MYO9A: variants seen among roughly 807,000 people sequenced by gnomAD.
MYO9A encodes myosin IXA, also known as unconventional myosin-IXa.
In MYO9A, 103 loss-of-function variants were observed where a neutral mutation model predicts 293.3. The observed-to-expected ratio is 0.35, with a 90% CI of 0.30 to 0.41. The LOEUF (loss-of-function observed/expected upper bound fraction) is 0.41. MYO9A is among the 10% of genes least tolerant of loss of function. MYO9A has a pLI of 1.00. For missense variants in MYO9A, 2,685 were observed against 3,033.0 expected (o/e 0.89, Z 2.69); for synonymous variants, 1,001 against 1,035.7 (o/e 0.97, Z 0.64).
chr15:71,903,358 G>A (rs1009423303), intron 21 of MYO9A, among the ~76,000 whole-genome samples: 1 of 152,042 alleles, frequency 6.6e-6, no homozygotes, highest in African/African-American at 2.4e-5. Flanking sequence ...TATTTAACAA[G>A]ACCCTAAAAT....
intron 18 of MYO9A, among the ~76,000 whole-genome samples, chr15:71,927,830 AC>A (rs2058353085): frequency 6.6e-6 from 1 of 150,534 alleles, no homozygotes; most frequent in Admixed American, 6.6e-5. Flanking sequence ...TCATTCTTCT[AC>A]ATGTGGATAT....
At chr15:72,028,809 G>A (rs572148462) in intron 3 of MYO9A, among the ~76,000 whole-genome samples, 6 of 152,084 alleles carry the variant, frequency 3.9e-5, no homozygotes, top group African/African-American at 9.6e-5. Context: ...ATATATTTAC[G>A]CTATTGTCAC....
At chr15:71,853,354 C>T (rs1224061661) in intron 35 of MYO9A, among the ~76,000 whole-genome samples, 3 of 152,160 alleles carry the variant, frequency 2.0e-5, no homozygotes, top group Admixed American at 6.5e-5. Flanking sequence ...AAAGGAAACA[C>T]CTTCACCCGT....
In MYO9A at chr15:71,881,881, T is replaced by C. The variant is rs77626695; in HGVS notation, c.5399-1323A>G. ...GGATGACTGTCAACCAGACAAGATATAAGAAACTGATAACCTTAGCCATTC... is the reference window on the plus strand; with the variant it reads ...GGATGACTGTCAACCAGACAAGATACAAGAAACTGATAACCTTAGCCATTC... On this transcript the variant is annotated intron_variant, in intron 28 of 41. Transcript: ENST00000356056. 3.1e-4 allele frequency among the ~76,000 whole-genome samples: 47 copies of C among 152,320 alleles called. No individual in the cohort carries two copies. The East Asian group carries it at 8.1e-3, about 26-fold the overall frequency.
chr15:72,105,025 G>A (rs575124191), intron 1 of MYO9A, among the ~76,000 whole-genome samples: 14 of 152,178 alleles, frequency 9.2e-5, no homozygotes, highest in African/African-American at 3.4e-4. Context: ...AGGAAACAGT[G>A]AAATAAAGCA....
chr15:71,823,048 C>T lies in MYO9A; in HGVS notation c.*3532G>A, dbSNP rs2054333548. The T allele has an allele frequency of 1.3e-5, 2 of 152,240 alleles. No individual in the cohort carries two copies. The highest frequency in any genetic ancestry group is 4.8e-5 in the African/African-American group (2 of 41,534). 9.4% of individuals were successfully genotyped at this position (152,240 alleles called of 1,614,324 possible). On this transcript the variant is annotated 3_prime_UTR_variant, in exon 42 of 42. Transcript: ENST00000356056. The stretch of plus-strand genomic sequence containing the variant: ...CACAAGAGTATGGGTGGACATAACA[C>T]ATTTGTCCATACAGAATGATGCATG...
At chr15:72,114,435 T>C (rs2080893754) in intron 1 of MYO9A, 1 of 152,178 alleles carries the variant, frequency 6.6e-6, no homozygotes, top group South Asian at 2.1e-4. Context: ...AGGGAAAATG[T>C]ACAAGGCAGT....
At chr15:72,094,460 G>A (rs2080014757) in intron 1 of MYO9A, among the ~76,000 whole-genome samples, 1 of 90,744 alleles carries the variant, frequency 1.1e-5, no homozygotes, top group African/African-American at 2.6e-5. Flanking sequence ...GTGTCTCTGT[G>A]TCAAATTTTG....
intron 1 of MYO9A, among the ~76,000 whole-genome samples, chr15:72,104,645 C>T (rs898908485): frequency 6.6e-6 from 1 of 152,164 alleles, no homozygotes; most frequent in Non-Finnish European, 1.5e-5. Flanking sequence ...GAATGATTCC[C>T]TAAACCAACT....
At chr15:71,854,276 G>T in intron 35 of MYO9A, 101 bp downstream of exon 35, 1 of 959,646 alleles carries the variant, frequency 1.0e-6, no homozygotes, top group Non-Finnish European at 1.5e-6. Flanking sequence ...CATTCTTCTG[G>T]CTGCTAAGTA....
At chr15:71,905,541 T>C (rs2057606346) in intron 19 of MYO9A, among the ~76,000 whole-genome samples, 1 of 152,084 alleles carries the variant, frequency 6.6e-6, no homozygotes, top group Admixed American at 6.5e-5. Flanking sequence ...TCCCAGCATT[T>C]TGGAGGGCCA....
chr15:71,826,394 C>A lies in MYO9A; in HGVS notation c.*186G>T, dbSNP rs1033572234. On this transcript the variant is annotated 3_prime_UTR_variant, in exon 42 of 42. Transcript: ENST00000356056. ...ACAGCCAAGGCACAGCTGGCACCAT[C>A]CCCAGCAGGCTTTCTGCTTCTGCAG... is the stretch of plus-strand genomic sequence containing the variant. 1.7e-6 allele frequency: 1 copy of A among 587,184 alleles called. No homozygotes were observed. Among genetic ancestry groups the A allele is most frequent in the Non-Finnish European group, 2.9e-6 (1 of 349,840 alleles). 36.4% of individuals were successfully genotyped at this position (587,184 alleles called of 1,614,324 possible). A position where few individuals can be genotyped will look rare whatever the true frequency, so the allele number is the denominator to read the frequency against.
At chr15:71,913,605 T>A (rs1284180792) in intron 19 of MYO9A, among the ~76,000 whole-genome samples, 6 of 152,290 alleles carry the variant, frequency 3.9e-5, no homozygotes, top group Non-Finnish European at 7.4e-5. Context: ...TCCCCCTTGT[T>A]ATGGGTTATT....
chr15:72,014,053 T>C (rs2077251394), intron 6 of MYO9A, among the ~76,000 whole-genome samples: 1 of 152,212 alleles, frequency 6.6e-6, no homozygotes, highest in Non-Finnish European at 1.5e-5. Context: ...GTGATCTGCC[T>C]AGCTCAGCCT....
At chr15:71,906,451 A>C (rs945677234) in intron 19 of MYO9A, among the ~76,000 whole-genome samples, 1 of 152,094 alleles carries the variant, frequency 6.6e-6, no homozygotes, top group Admixed American at 6.6e-5. Context: ...TTTTCTTTTA[A>C]TTCTATCAGT....
At chr15:71,994,810 G>A (rs2076650957) in intron 9 of MYO9A, among the ~76,000 whole-genome samples, 2 of 152,190 alleles carry the variant, frequency 1.3e-5, no homozygotes, top group Admixed American at 6.5e-5. Context: ...TCGGCTCATG[G>A]CAGCCTCCGT....
At chr15:72,065,921 C>T (rs950341923) in intron 1 of MYO9A, among the ~76,000 whole-genome samples, 1 of 152,148 alleles carries the variant, frequency 6.6e-6, no homozygotes, top group African/African-American at 2.4e-5. Flanking sequence ...CTTATACTTC[C>T]GCAACCATGA....
At chr15:72,032,442 C>G (rs2077903532) in intron 3 of MYO9A, 52 bp downstream of exon 3, 2 of 1,225,020 alleles carry the variant, frequency 1.6e-6, no homozygotes, top group Non-Finnish European at 2.3e-6. Context: ...AGGGTAAAGA[C>G]AAAAATTAAA....
intron 39 of MYO9A, among the ~76,000 whole-genome samples, chr15:71,836,262 C>T (rs1283012149): frequency 6.6e-6 from 1 of 151,792 alleles, no homozygotes; most frequent in Non-Finnish European, 1.5e-5. Context: ...AAATGGCCAA[C>T]ATGTATATAT....
Sources: gnomAD v4.1 joint callset for allele counts (sites outside exome capture counted in the v4.1 genomes callset) on GRCh38, gnomAD v4.1.1 for gene constraint, MANE v1.5 for transcripts, NCBI Gene and HGNC (gene_info 2026-07-23, HGNC 2026-07-21) for gene names.